The following BMPR1B variants were observed in gnomAD, a reference collection of about 807,000 sequenced individuals.
The protein encoded by BMPR1B is bone morphogenetic protein receptor type 1B.
In BMPR1B, 12 loss-of-function variants were observed where a neutral mutation model predicts 59.1. The observed-to-expected ratio is 0.20, with a 90% CI of 0.13 to 0.33. The LOEUF is 0.33. Among genes scored for constraint, BMPR1B ranks in the 10% least tolerant of loss-of-function variants. The pLI, the probability that BMPR1B is intolerant of heterozygous loss-of-function variation, is 1.00. For missense variants in BMPR1B, 550 were observed against 610.9 expected (o/e 0.90, Z 1.05); for synonymous variants, 237 against 207.3 (o/e 1.14, Z -1.23).
intron 2 of BMPR1B, among the ~76,000 whole-genome samples, chr4:94,926,065 A>G (rs1293415250): frequency 1.1e-4 from 8 of 72,234 alleles, no homozygotes; most frequent in Non-Finnish European, 8.2e-5. Context: ...CTCCCCCCCA[A>G]TCCCTCCCGT....
At chr4:94,866,519 G>T (rs1726250405) in intron 1 of BMPR1B, among the ~76,000 whole-genome samples, 1 of 152,038 alleles carries the variant, frequency 6.6e-6, no homozygotes, top group Admixed American at 6.6e-5. Flanking sequence ...TCTACCTGCT[G>T]CTGTAACTCC....
chr4:95,088,380 C>G (rs1009235653), intron 3 of BMPR1B, among the ~76,000 whole-genome samples: 2 of 151,166 alleles, frequency 1.3e-5, no homozygotes, highest in Admixed American at 6.6e-5. Context: ...TTTGATGGTG[C>G]CTATAGGACA....
At chr4:94,783,960 C>T (rs912333229) in intron 1 of BMPR1B, among the ~76,000 whole-genome samples, 19 of 152,066 alleles carry the variant, frequency 1.2e-4, no homozygotes, top group Non-Finnish European at 1.8e-4. Context: ...GAGTTTCTCT[C>T]ATATCGAGCT....
chr4:94,812,856 A>G (rs1363022015), intron 1 of BMPR1B, among the ~76,000 whole-genome samples: 1 of 152,218 alleles, frequency 6.6e-6, no homozygotes, highest in African/African-American at 2.4e-5. Flanking sequence ...CCAAAACTTT[A>G]ATAAATTTAT....
intron 1 of BMPR1B, among the ~76,000 whole-genome samples, chr4:94,794,372 A>G (rs573775766): frequency 6.9e-4 from 105 of 151,446 alleles, no homozygotes; most frequent in East Asian, 1.7e-3. Context: ...TGTTCCATTG[A>G]TCTATATCTC....
rs531121292 is a variant in BMPR1B, at chr4:94,841,437, G to C, written c.-182-34394G>C. 2.6e-5 allele frequency among the ~76,000 whole-genome samples: 4 copies of C among 152,220 alleles called. No individual in the cohort carries two copies. In the South Asian group the frequency reaches 8.3e-4, roughly 32 times the overall value. Reference sequence around the variant, plus strand: ...AGACTCCATGGGCGTAGGACCCTCCGAGCCAGGTGTGGGATATAATCTCGT... The same window carrying C: ...AGACTCCATGGGCGTAGGACCCTCCCAGCCAGGTGTGGGATATAATCTCGT... On this transcript the variant is annotated intron_variant, in intron 1 of 12. Transcript: ENST00000515059.
chr4:94,919,519 C>T (rs915270727), intron 2 of BMPR1B, among the ~76,000 whole-genome samples: 4 of 151,930 alleles, frequency 2.6e-5, no homozygotes, highest in African/African-American at 7.3e-5. Context: ...ACAGAGACAC[C>T]TCATTACTAC....
chr4:94,786,592 G>T (rs1021722182), intron 1 of BMPR1B, among the ~76,000 whole-genome samples: 1 of 152,124 alleles, frequency 6.6e-6, no homozygotes, highest in Non-Finnish European at 1.5e-5. Flanking sequence ...AGGCTGGAAT[G>T]CAGTGGTGCG....
chr4:94,895,711 TAAAC>T (rs1024459733), intron 2 of BMPR1B, among the ~76,000 whole-genome samples: 5 of 151,984 alleles, frequency 3.3e-5, no homozygotes, highest in African/African-American at 7.2e-5. Context: ...ATATAATTAT[TAAAC>T]AAAACAATTA....
At chr4:95,123,993 C>T in intron 7 of BMPR1B, 87 bp downstream of exon 7, 1 of 879,806 alleles carries the variant, frequency 1.1e-6, no homozygotes, top group South Asian at 1.4e-5. Context: ...TAGTGTTTCT[C>T]ACCACAGCTT....
intron 3 of BMPR1B, among the ~76,000 whole-genome samples, chr4:95,100,777 G>A (rs946494482): frequency 1.3e-5 from 2 of 151,876 alleles, no homozygotes; most frequent in Non-Finnish European, 2.9e-5. Context: ...TCACCTGCTG[G>A]GATTTTCATT....
intron 1 of BMPR1B, among the ~76,000 whole-genome samples, chr4:94,797,298 A>G (rs1352838220): frequency 6.6e-6 from 1 of 152,198 alleles, no homozygotes; most frequent in East Asian, 1.9e-4. Flanking sequence ...ATTCAATTTG[A>G]GATTTGGGTG....
chr4:94,762,510 A>T (rs1402677047), intron 1 of BMPR1B, among the ~76,000 whole-genome samples: 2 of 152,218 alleles, frequency 1.3e-5, no homozygotes, highest in African/African-American at 4.8e-5. Flanking sequence ...CTCTAAAAGT[A>T]GCAAGCTAGG....
At chr4:95,043,418 AT>A (rs1468264014) in intron 3 of BMPR1B, among the ~76,000 whole-genome samples, 3 of 152,124 alleles carry the variant, frequency 2.0e-5, no homozygotes, top group African/African-American at 7.2e-5. Flanking sequence ...TGGTAGTTTA[AT>A]CATGTAAGTT....
In BMPR1B at chr4:95,139,891, G is replaced by A. The variant is rs1734094275; in HGVS notation, c.1076+8379G>A. ...TGACCCCTTGCGCTTGCCGGGTGAG[G>A]CGATATGCCCCACCCTGCTTCGGCT... On this transcript the variant is annotated intron_variant, in intron 10 of 12. Coordinates refer to ENST00000515059, the MANE Select transcript of BMPR1B (RefSeq NM_001203.3). Among the ~76,000 whole-genome samples the A allele has an allele frequency of 2.6e-5, 4 of 152,334 alleles. No homozygotes were observed. The East Asian group carries it at 5.8e-4, about 22-fold the overall frequency.
rs566200514 is a variant in BMPR1B, at chr4:94,901,952, G to T, written c.-113+26052G>T. 3.3e-5 allele frequency among the ~76,000 whole-genome samples: 5 copies of T among 150,884 alleles called. No individual in the cohort carries two copies. In the East Asian group the frequency reaches 7.9e-4, roughly 24 times the overall value. On this transcript the variant is annotated intron_variant, in intron 2 of 12. Coordinates refer to ENST00000515059, the MANE Select transcript of BMPR1B (RefSeq NM_001203.3). ...AAAGATTAGACATATAGTCACATAG[G>T]TATATATTCATATGAAGATATATCT...
At chr4:95,104,376 A>G in intron 3 of BMPR1B, 32 bp from the exon 4 acceptor site, 1 of 1,610,582 alleles carries the variant, frequency 6.2e-7, no homozygotes, top group African/African-American at 1.3e-5. Flanking sequence ...TCTACCCCAC[A>G]GATGCCTAAC....
At chr4:94,800,428 A>G (rs1385001970) in intron 1 of BMPR1B, among the ~76,000 whole-genome samples, 1 of 151,804 alleles carries the variant, frequency 6.6e-6, no homozygotes, top group Non-Finnish European at 1.5e-5. Flanking sequence ...AGGAAGCAAA[A>G]TATTTTAGGG....
At chr4:95,103,015 AT>A (rs960763319) in intron 3 of BMPR1B, among the ~76,000 whole-genome samples, 38 of 149,408 alleles carry the variant, frequency 2.5e-4, no homozygotes, top group Admixed American at 1.2e-3. Context: ...TGCAATCAAC[AT>A]TTTTTTTTTC....
Sources: allele counts gnomAD v4.1 joint callset (sites outside exome capture counted in the v4.1 genomes callset), GRCh38; gene constraint gnomAD v4.1.1; transcripts MANE v1.5; gene names NCBI Gene and HGNC (gene_info 2026-07-23, HGNC 2026-07-21).